The following AKR1C8 variants were observed in gnomAD, a reference collection of about 807,000 sequenced individuals.
AKR1C8 encodes aldo-keto reductase family 1 member C-like protein 1.
At chr10:5,153,263 C>T in the AKR1C8 span, among the ~76,000 whole-genome samples, 1 of 151,830 alleles carries the variant, frequency 6.6e-6, no homozygotes, top group African/African-American at 2.4e-5. Flanking sequence ...GAACAATATA[C>T]AAAAATAATA....
At chr10:5,116,132 C>T in the AKR1C8 span, among the ~76,000 whole-genome samples, 1 of 152,076 alleles carries the variant, frequency 6.6e-6, no homozygotes, top group African/African-American at 2.4e-5. Flanking sequence ...TACTAAGCGA[C>T]GCCCTAATGC....
the AKR1C8 span, among the ~76,000 whole-genome samples, chr10:5,145,936 T>C: frequency 5.3e-5 from 8 of 151,906 alleles, no homozygotes; most frequent in Non-Finnish European, 8.8e-5. Context: ...TAGCAAAGAC[T>C]TGGAACCAAC....
the AKR1C8 span, among the ~76,000 whole-genome samples, chr10:5,159,258 C>T: frequency 2.0e-5 from 3 of 152,172 alleles, no homozygotes; most frequent in Admixed American, 6.5e-5. Flanking sequence ...GAGATCAGAT[C>T]TGTAGCACTA....
the AKR1C8 span, among the ~76,000 whole-genome samples, chr10:5,169,589 G>GTTT: frequency 4.9e-4 from 72 of 146,024 alleles, 1 homozygote; most frequent in Admixed American, 1.4e-3. Context: ...AAAGATCCAT[G>GTTT]TTTTTTTTTT....
the AKR1C8 span, among the ~76,000 whole-genome samples, chr10:5,138,063 G>T: frequency 6.6e-6 from 1 of 151,538 alleles, no homozygotes; most frequent in Admixed American, 6.6e-5. Context: ...ACTGATAAGG[G>T]TCTATGTTCA....
chr10:5,158,309 T>C, the AKR1C8 span, among the ~76,000 whole-genome samples: 108 of 152,352 alleles, frequency 7.1e-4, 1 homozygote, highest in African/African-American at 2.5e-3. Context: ...TATGTCCATT[T>C]GCCAAAATTG....
At chr10:5,142,325 G>C in the AKR1C8 span, among the ~76,000 whole-genome samples, 18 of 152,032 alleles carry the variant, frequency 1.2e-4, 1 homozygote, top group Admixed American at 5.3e-4. Flanking sequence ...CAGTAGTAAA[G>C]CTTGTTTTGC....
chr10:5,158,797 AC>A, the AKR1C8 span: 1 of 457,914 alleles, frequency 2.2e-6, no homozygotes, highest in Non-Finnish European at 4.5e-6. Context: ...AATGTGTAAT[AC>A]TACATTAATA....
At chr10:5,153,230 T>TTTAC in the AKR1C8 span, among the ~76,000 whole-genome samples, 6 of 122,578 alleles carry the variant, frequency 4.9e-5, no homozygotes, top group Non-Finnish European at 7.4e-5. Context: ...TCAATAAAGT[T>TTTAC]TTGCTTAATA....
the AKR1C8 span, chr10:5,154,087 T>C: frequency 2.2e-6 from 1 of 459,170 alleles, no homozygotes; most frequent in Non-Finnish European, 4.5e-6. Context: ...TGAAATCCTC[T>C]CTCTGTCACC....
chr10:5,116,726 A>C, the AKR1C8 span, among the ~76,000 whole-genome samples: 1 of 152,180 alleles, frequency 6.6e-6, no homozygotes, highest in African/African-American at 2.4e-5. Flanking sequence ...CCCACTGGGA[A>C]GATTTCCCTT....
chr10:5,133,103 G>C, the AKR1C8 span, among the ~76,000 whole-genome samples: 1 of 151,964 alleles, frequency 6.6e-6, no homozygotes, highest in East Asian at 1.9e-4. Flanking sequence ...TATTATTTGA[G>C]ACAGAGTCTC....
chr10:5,163,202 C>T, the AKR1C8 span, among the ~76,000 whole-genome samples: 1 of 152,090 alleles, frequency 6.6e-6, no homozygotes, highest in Non-Finnish European at 1.5e-5. Flanking sequence ...ACTTCTATTC[C>T]CAAATGAATT....
chr10:5,169,154 C>A, the AKR1C8 span, among the ~76,000 whole-genome samples: 1 of 152,196 alleles, frequency 6.6e-6, no homozygotes, highest in Non-Finnish European at 1.5e-5. Context: ...GTTTTACTGT[C>A]TGCTCTTTCT....
At chr10:5,175,623 C>T in the AKR1C8 span, among the ~76,000 whole-genome samples, 5 of 152,200 alleles carry the variant, frequency 3.3e-5, no homozygotes, top group Non-Finnish European at 5.9e-5. Flanking sequence ...TTCTCCACAT[C>T]CTCTCCAGCA....
the AKR1C8 span, among the ~76,000 whole-genome samples, chr10:5,141,091 A>C: frequency 1.3e-5 from 2 of 152,152 alleles, no homozygotes; most frequent in Non-Finnish European, 2.9e-5. Flanking sequence ...CTGCTTTATC[A>C]ACTATCTTTT....
At chr10:5,139,144 T>C in the AKR1C8 span, among the ~76,000 whole-genome samples, 1 of 152,072 alleles carries the variant, frequency 6.6e-6, no homozygotes. Flanking sequence ...CACTGCTCAA[T>C]GAAATAAAAG....
the AKR1C8 span, among the ~76,000 whole-genome samples, chr10:5,147,079 C>T: frequency 6.6e-6 from 1 of 152,196 alleles, no homozygotes; most frequent in African/African-American, 2.4e-5. Context: ...GGGCCCCAGG[C>T]TGCTTCCATT....
chr10:5,160,806 A>T, the AKR1C8 span: 1 of 471,138 alleles, frequency 2.1e-6, no homozygotes, highest in South Asian at 1.5e-5. Flanking sequence ...CTGCAGCAGA[A>T]CATACCTCCC....
Sources: allele counts gnomAD v4.1 joint callset (sites outside exome capture counted in the v4.1 genomes callset), GRCh38; gene constraint gnomAD v4.1.1; transcripts MANE v1.5; gene names NCBI Gene and HGNC (gene_info 2026-07-23, HGNC 2026-07-21).